The following GALNT13 variants were observed in gnomAD, a reference collection of about 807,000 sequenced individuals.
GALNT13 encodes polypeptide N-acetylgalactosaminyltransferase 13.
GALNT13 carries 28 observed loss-of-function variants against 64.2 expected under a neutral mutation model. The ratio of observed to expected loss-of-function variants is 0.44; its 90% CI spans 0.32 to 0.60. The LOEUF is 0.60. GALNT13 is among the 20% of genes least tolerant of loss of function. The pLI is 0.05. For missense variants in GALNT13, 577 were observed against 669.8 expected (o/e 0.86, Z 1.53); for synonymous variants, 214 against 224.6 (o/e 0.95, Z 0.42).
chr2:153,592,122 A>G, the GALNT13 span, among the ~76,000 whole-genome samples: 81 of 152,262 alleles, frequency 5.3e-4, 1 homozygote, highest in East Asian at 0.013. Flanking sequence ...AAAGCAAATT[A>G]AAACTACAAT....
At chr2:153,118,325 C>T in the GALNT13 span, among the ~76,000 whole-genome samples, 3 of 152,206 alleles carry the variant, frequency 2.0e-5, no homozygotes, top group Middle Eastern at 3.2e-3. Flanking sequence ...AGTCCTCTTC[C>T]TCAGACAGGC....
At chr2:153,798,839 A>G in the GALNT13 span, among the ~76,000 whole-genome samples, 2 of 152,166 alleles carry the variant, frequency 1.3e-5, no homozygotes, top group Non-Finnish European at 2.9e-5. Flanking sequence ...CCTTTTACTT[A>G]GAAGTAGTTA....
intron 3 of GALNT13, among the ~76,000 whole-genome samples, 179 bp from the exon 4 acceptor site, chr2:154,140,158 G>T (rs1292460180): frequency 6.6e-6 from 1 of 152,036 alleles, no homozygotes; most frequent in Non-Finnish European, 1.5e-5. Context: ...ATAATACGCA[G>T]AATTGATGTT....
At chr2:154,211,947 G>A (rs1208759199) in intron 4 of GALNT13, among the ~76,000 whole-genome samples, 1 of 152,062 alleles carries the variant, frequency 6.6e-6, no homozygotes, top group African/African-American at 2.4e-5. Flanking sequence ...CACAGAGAAA[G>A]GGTAGGTCAA....
intron 4 of GALNT13, among the ~76,000 whole-genome samples, chr2:154,148,388 A>G (rs1383988761): frequency 6.6e-6 from 1 of 152,112 alleles, no homozygotes; most frequent in Admixed American, 6.6e-5. Context: ...ATAAACATAC[A>G]TGTGCACGTG....
chr2:153,500,958 CTTATTT>C, the GALNT13 span, among the ~76,000 whole-genome samples: 2 of 151,896 alleles, frequency 1.3e-5, no homozygotes, highest in African/African-American at 4.8e-5. Flanking sequence ...AAGATTAAGC[CTTATTT>C]TTATTTTGAC....
At chr2:153,673,164 T>C in the GALNT13 span, among the ~76,000 whole-genome samples, 2 of 152,168 alleles carry the variant, frequency 1.3e-5, no homozygotes, top group Non-Finnish European at 2.9e-5. Flanking sequence ...TCTGAAACTA[T>C]TCCAATGAAT....
chr2:153,391,890 G>A, the GALNT13 span, among the ~76,000 whole-genome samples: 128 of 150,982 alleles, frequency 8.5e-4, no homozygotes, highest in African/African-American at 2.4e-3. Flanking sequence ...GCCACATGCC[G>A]TCCAACTAAA....
chr2:153,592,147 C>CAACA, the GALNT13 span, among the ~76,000 whole-genome samples: 20 of 151,954 alleles, frequency 1.3e-4, no homozygotes, highest in African/African-American at 3.9e-4. Flanking sequence ...TATCGTCTTA[C>CAACA]AACAGTCAGA....
At chr2:154,038,325 A>G (rs147676960) in intron 3 of GALNT13, among the ~76,000 whole-genome samples, 2 of 152,308 alleles carry the variant, frequency 1.3e-5, no homozygotes, top group African/African-American at 4.8e-5. Flanking sequence ...CCAAGCAAAA[A>G]TAACAAAGTC....
At chr2:153,202,695 A>C in the GALNT13 span, among the ~76,000 whole-genome samples, 1 of 152,322 alleles carries the variant, frequency 6.6e-6, no homozygotes, top group African/African-American at 2.4e-5. Flanking sequence ...AAATTGTTTT[A>C]CCCGAATTTA....
the GALNT13 span, among the ~76,000 whole-genome samples, chr2:153,688,828 T>C: frequency 6.6e-6 from 1 of 152,158 alleles, no homozygotes; most frequent in Admixed American, 6.6e-5. Context: ...TAATACAATG[T>C]ATTGTTTTAT....
At chr2:154,233,129 A>G (rs1464105173) in intron 4 of GALNT13, among the ~76,000 whole-genome samples, 1 of 152,048 alleles carries the variant, frequency 6.6e-6, no homozygotes, top group African/African-American at 2.4e-5. Flanking sequence ...TGTTAACGCC[A>G]CAAAAGACCA....
chr2:153,168,393 CT>C, the GALNT13 span, among the ~76,000 whole-genome samples: 2 of 152,042 alleles, frequency 1.3e-5, no homozygotes, highest in Non-Finnish European at 2.9e-5. Flanking sequence ...TTTTTATTTT[CT>C]TTTCCCTCTA....
the GALNT13 span, among the ~76,000 whole-genome samples, chr2:153,079,948 G>A: frequency 6.6e-6 from 1 of 152,160 alleles, no homozygotes; most frequent in Admixed American, 6.5e-5. Context: ...CAAAGCATCA[G>A]AATATAGAAA....
chr2:154,440,563 ATAT>A (rs1269086504), intron 12 of GALNT13, among the ~76,000 whole-genome samples: 1 of 152,120 alleles, frequency 6.6e-6, no homozygotes, highest in African/African-American at 2.4e-5. Context: ...GAGCACTATA[ATAT>A]TTTGTGTCAT....
the GALNT13 span, among the ~76,000 whole-genome samples, chr2:153,173,970 A>C: frequency 6.6e-6 from 1 of 152,244 alleles, no homozygotes; most frequent in African/African-American, 2.4e-5. Flanking sequence ...TGAAAGAAAA[A>C]AGGGTCATGG....
chr2:153,866,070 C>T, the GALNT13 span, among the ~76,000 whole-genome samples: 1 of 82,516 alleles, frequency 1.2e-5, no homozygotes, highest in Non-Finnish European at 2.5e-5. Flanking sequence ...AACAAAAAAC[C>T]AAACACCGCA....
At chr2:153,292,248 C>T in the GALNT13 span, among the ~76,000 whole-genome samples, 1 of 152,032 alleles carries the variant, frequency 6.6e-6, no homozygotes, top group African/African-American at 2.4e-5. Context: ...AAGGGGTCAA[C>T]AGGGCAAAAG....
Sources: gnomAD v4.1 joint callset for allele counts (sites outside exome capture counted in the v4.1 genomes callset) on GRCh38, gnomAD v4.1.1 for gene constraint, MANE v1.5 for transcripts, NCBI Gene and HGNC (gene_info 2026-07-23, HGNC 2026-07-21) for gene names.